Variants in DYRK2 observed in about 807,000 individuals in gnomAD.
DYRK2 encodes dual specificity tyrosine phosphorylation regulated kinase 2.
Under a neutral mutation model 41.6 loss-of-function variants are expected in DYRK2, and 12 were observed. The ratio of observed to expected loss-of-function variants is 0.29; its 90% CI spans 0.18 to 0.47. The LOEUF (loss-of-function observed/expected upper bound fraction) is 0.47. Ranked by LOEUF, DYRK2 falls within the 20% of genes least tolerant of loss-of-function variation. DYRK2 has a pLI of 1.00. For synonymous variants in DYRK2, 322 were observed against 315.7 expected (o/e 1.02, Z -0.21); for missense variants, 678 against 798.4 (o/e 0.85, Z 1.82).
At chr12:67,652,081 G>T (rs910466117) in intron 2 of DYRK2, among the ~76,000 whole-genome samples, 1 of 152,126 alleles carries the variant, frequency 6.6e-6, no homozygotes, top group Non-Finnish European at 1.5e-5. Flanking sequence ...AGATAAAAAT[G>T]ATCTTGTCAT....
intron 2 of DYRK2, among the ~76,000 whole-genome samples, chr12:67,655,394 A>T (rs1872438522): frequency 6.6e-6 from 1 of 152,170 alleles, no homozygotes; most frequent in Non-Finnish European, 1.5e-5. Context: ...GCAGAGAGCG[A>T]GGCTGGGGAA....
At chr12:67,649,477 C>T (rs1249368791) in intron 1 of DYRK2, among the ~76,000 whole-genome samples, 3 of 151,624 alleles carry the variant, frequency 2.0e-5, no homozygotes, top group East Asian at 2.0e-4. Context: ...GTGGCCGTGG[C>T]TCCCTGCTCA....
At position 67,649,197 on chromosome 12, in the gene DYRK2, C is replaced by T. The variant is rs1167091431; in HGVS notation, c.49+15C>T. ...CTACCCGACCGGTAAGGAGGCCGTG[C>T]CGCCGCGCCGCATCCCCGGACCCCC... On this transcript the variant is annotated intron_variant, in intron 1 of 2. Coordinates refer to ENST00000344096, the MANE Select transcript of DYRK2 (RefSeq NM_006482.3). The T allele has an allele frequency of 2.0e-6, 3 of 1,489,334 alleles. No individual in the cohort carries two copies. Among genetic ancestry groups the T allele is most frequent in the South Asian group, 1.3e-5 (1 of 78,258 alleles). 92.3% of individuals were successfully genotyped at this position (1,489,334 alleles called of 1,614,324 possible). A position where few individuals can be genotyped will look rare whatever the true frequency, so the allele number is the denominator to read the frequency against.
At chr12:67,656,434 T>C (rs1872470579) in intron 2 of DYRK2, among the ~76,000 whole-genome samples, 1 of 152,202 alleles carries the variant, frequency 6.6e-6, no homozygotes. Context: ...AAATGGTTAT[T>C]ACAGTTAGTA....
Position 67,659,442 on chromosome 12 carries a change from T to G in DYRK2, c.*729T>G, listed in dbSNP as rs1872568694. On this transcript the variant is annotated 3_prime_UTR_variant, in exon 3 of 3. Transcript: ENST00000344096. Reference sequence around the variant, plus strand: ...GTAAAGAAGCCTCATATTACAGAGTTGCTTTTGCACCTAAATTTAGAATTG... The same window carrying G: ...GTAAAGAAGCCTCATATTACAGAGTGGCTTTTGCACCTAAATTTAGAATTG... The G allele has an allele frequency of 6.0e-6, 1 of 167,082 alleles. No individual in the cohort carries two copies. The highest frequency in any genetic ancestry group is 1.5e-5 in the Non-Finnish European group (1 of 68,120). 10.3% of individuals were successfully genotyped at this position (167,082 alleles called of 1,614,324 possible).
At chr12:67,649,971 G>C in intron 2 of DYRK2, 26 bp downstream of exon 2, 2 of 1,317,854 alleles carry the variant, frequency 1.5e-6, no homozygotes, top group Non-Finnish European at 1.9e-6. Flanking sequence ...CGGGCGGCCC[G>C]GGCGGTGGGG....
At position 67,664,513 on chromosome 12, in the gene DYRK2, G is replaced by A. The variant is rs914781429; in HGVS notation, c.*5800G>A. ...TCAGTTTATCCTTATACATCCCTATGAGCTATAATTATCCTCATTTGATAC... is the reference window on the plus strand; with the variant it reads ...TCAGTTTATCCTTATACATCCCTATAAGCTATAATTATCCTCATTTGATAC... On this transcript the variant is annotated 3_prime_UTR_variant, in exon 3 of 3. Coordinates refer to ENST00000344096, the MANE Select transcript of DYRK2 (RefSeq NM_006482.3). The A allele has an allele frequency of 1.3e-5, 2 of 152,080 alleles. No individual in the cohort carries two copies. Among genetic ancestry groups the A allele is most frequent in the Non-Finnish European group, 2.9e-5 (2 of 68,008 alleles). 9.4% of individuals were successfully genotyped at this position (152,080 alleles called of 1,614,324 possible). A position where few individuals can be genotyped will look rare whatever the true frequency, so the allele number is the denominator to read the frequency against.
rs1055779476 is a variant in DYRK2 at position 67,661,717 on chromosome 12, T to C, written c.*3004T>C. 2 of 166,988 alleles carry C rather than the reference T, an allele frequency of 1.2e-5. No homozygotes were observed. The highest frequency in any genetic ancestry group is 4.8e-5 in the African/African-American group (2 of 41,428). 10.3% of individuals were successfully genotyped at this position (166,988 alleles called of 1,614,324 possible). ...GCACTGAAAAAAGATAACCATCAGG[T>C]AGTGTTACACAAGGACTTCCTATAT... On this transcript the variant is annotated 3_prime_UTR_variant, in exon 3 of 3. Coordinates refer to ENST00000344096, the MANE Select transcript of DYRK2 (RefSeq NM_006482.3).
rs991490293 is a variant in DYRK2, at chr12:67,649,062, G to T, written c.-72G>T. 5 of 1,317,580 alleles carry T rather than the reference G, an allele frequency of 3.8e-6. No homozygotes were observed. The African/African-American group carries it at 4.7e-5, about 12-fold the overall frequency. The allele number at this position is 1,317,580 out of a possible 1,614,324, so 81.6% of individuals were successfully genotyped here. On this transcript the variant is annotated 5_prime_UTR_variant, in exon 1 of 3. Transcript: ENST00000344096. ...GGGGCGGCCGGGAGGCGGCGGCGGC[G>T]GCCGCCAGAAGTAGCAGCAGGACCG...
Position 67,648,852 on chromosome 12 carries a change from A to C in DYRK2, c.-282A>C. ...GGAGACGGGGAGGCCCGCGGCGCGC[A>C]GGGGAGGGCGAGGCATGTGCACGGG... On this transcript the variant is annotated 5_prime_UTR_variant, in exon 1 of 3. Coordinates refer to ENST00000344096, the MANE Select transcript of DYRK2 (RefSeq NM_006482.3). 4 of 219,438 alleles carry C rather than the reference A, an allele frequency of 1.8e-5. No individual in the cohort carries two copies. The highest frequency in any genetic ancestry group is 9.0e-5 in the East Asian group (1 of 11,052). 13.6% of individuals were successfully genotyped at this position (219,438 alleles called of 1,614,324 possible). A position where few individuals can be genotyped will look rare whatever the true frequency, so the allele number is the denominator to read the frequency against.
At chr12:67,649,410 G>C (rs1383575146) in intron 1 of DYRK2, among the ~76,000 whole-genome samples, 1 of 151,814 alleles carries the variant, frequency 6.6e-6, no homozygotes, top group Middle Eastern at 3.4e-3. Flanking sequence ...CCTGCCGGGG[G>C]CCCGGGCGGG....
In DYRK2 at chr12:67,658,171, T is replaced by C. The variant is rs1476300359; in HGVS notation, c.1264T>C (p.Leu422=). 8.1e-6 allele frequency: 13 copies of C among 1,614,188 alleles called. No individual in the cohort carries two copies. In the Middle Eastern group the frequency reaches 4.9e-4, roughly 61 times the overall value. ...AGAGCTCCTGACGGGTTACCCCCTC[T>C]TGCCTGGGGAAGATGAAGGGGACCA... The part of the protein sequence containing the change: ...LAELLTGYPL[L]PGEDEGDQLA... Residue 422 remains leucine, a synonymous_variant, in exon 3 of 3, where the codon TTG becomes CTG. Transcript: ENST00000344096. This position sits in a 1 kb window ranked among gnomAD's most constrained non-coding sequence, Gnocchi z 4.3.
At position 67,661,196 on chromosome 12, in the gene DYRK2, T is replaced by A. The variant is rs1426554971; in HGVS notation, c.*2483T>A. On this transcript the variant is annotated 3_prime_UTR_variant, in exon 3 of 3. Coordinates refer to ENST00000344096, the MANE Select transcript of DYRK2 (RefSeq NM_006482.3). Reference sequence around the variant, plus strand: ...TAGAGCTGCTTTAATAAAATTCTAGTTTGATTGTCATGTCAAAAAAAGAAA... The same window carrying A: ...TAGAGCTGCTTTAATAAAATTCTAGATTGATTGTCATGTCAAAAAAAGAAA... 1 of 166,814 alleles carries A rather than the reference T, an allele frequency of 6.0e-6. No individual in the cohort carries two copies. Among genetic ancestry groups the A allele is most frequent in the Admixed American group, 6.6e-5 (1 of 15,266 alleles). The allele number at this position is 166,814 out of a possible 1,614,324, so 10.3% of individuals were successfully genotyped here.
rs754908658 is a variant in DYRK2, at chr12:67,657,469, G to A, written c.562G>A (p.Ala188Thr). ...TGAAATATATTTCTTGGGTCTAAATGCTAAGAAGCGCCAGGGCATGACAGG... is the reference window on the plus strand; with the variant it reads ...TGAAATATATTTCTTGGGTCTAAATACTAAGAAGCGCCAGGGCATGACAGG... ...YPEIYFLGLNAKKRQGMTGGP... is the reference protein window; with the variant it reads ...YPEIYFLGLNTKKRQGMTGGP... Residue 188 changes from alanine (A) to threonine (T), a missense_variant, in exon 3 of 3, where the codon GCT becomes ACT. Coordinates refer to ENST00000344096, the MANE Select transcript of DYRK2 (RefSeq NM_006482.3). The surrounding 1 kb of genome is among the most constrained non-coding windows in gnomAD (Gnocchi z 4.8). 6.2e-7 allele frequency: 1 copy of A among 1,614,150 alleles called. No homozygotes were observed.
intron 2 of DYRK2, among the ~76,000 whole-genome samples, chr12:67,655,900 G>C (rs12367968): frequency 0.11 from 16,892 of 152,226 alleles, 1,306 homozygotes; most frequent in Non-Finnish European, 0.14. Flanking sequence ...GGGGATAGTA[G>C]AAAAAATACT....
rs759557043 is a variant in DYRK2, at chr12:67,658,750, G to C, written c.*37G>C. On this transcript the variant is annotated 3_prime_UTR_variant, in exon 3 of 3. Coordinates refer to ENST00000344096, the MANE Select transcript of DYRK2 (RefSeq NM_006482.3). This position sits in a 1 kb window ranked among gnomAD's most constrained non-coding sequence, Gnocchi z 4.3. ...CTGATGCTGGTAACCTGAAAGATACGACATTGCTGAGCCTTACTGGGTTGA... is the reference window on the plus strand; with the variant it reads ...CTGATGCTGGTAACCTGAAAGATACCACATTGCTGAGCCTTACTGGGTTGA... 6.4e-7 allele frequency: 1 copy of C among 1,562,090 alleles called. No individual in the cohort carries two copies. The highest frequency in any genetic ancestry group is 8.7e-7 in the Non-Finnish European group (1 of 1,154,838).
At chr12:67,649,717 C>G in intron 1 of DYRK2, 80 bp from the exon 2 acceptor site, 1 of 1,271,342 alleles carries the variant, frequency 7.9e-7, no homozygotes. Context: ...GTTGTCGCTG[C>G]CCAGCGGGGT....
rs903391240 is a variant in DYRK2 at position 67,649,707 on chromosome 12, G to A, written c.50-90G>A. 3.2e-6 allele frequency: 4 copies of A among 1,247,200 alleles called. No homozygotes were observed. In the African/African-American group the frequency reaches 4.6e-5, roughly 14 times the overall value. The allele number at this position is 1,247,200 out of a possible 1,614,324, so 77.3% of individuals were successfully genotyped here. A position where few individuals can be genotyped will look rare whatever the true frequency, so the allele number is the denominator to read the frequency against. ...TTCCTCCGTCTTTCTTTGGAAGAGG[G>A]TTGTCGCTGCCCAGCGGGGTTGGAG... On this transcript the variant is annotated intron_variant, in intron 1 of 2. Transcript: ENST00000344096.
chr12:67,657,416 T>G lies in DYRK2; in HGVS notation c.509T>G (p.Phe170Cys). The G allele has an allele frequency of 5.6e-6, 9 of 1,614,116 alleles. No homozygotes were observed. Among genetic ancestry groups the G allele is most frequent in the South Asian group, 2.2e-5 (2 of 91,080 alleles). The change falls in exon 3 of 3, where the codon TTC (phenylalanine) becomes TGC (cysteine). Residue 170 changes from phenylalanine (F) to cysteine (C), a missense_variant. Physicochemically the swap from Phe to Cys is radical, Grantham distance 205 (BLOSUM62 -2). Coordinates refer to ENST00000344096, the MANE Select transcript of DYRK2 (RefSeq NM_006482.3). This position sits in a 1 kb window ranked among gnomAD's most constrained non-coding sequence, Gnocchi z 4.8. Reference sequence around the variant, plus strand: ...CAATACATGCAAAAACTCACAGCCTTCGAACACCATGAGATTTTCAGCTAC... The same window carrying G: ...CAATACATGCAAAAACTCACAGCCTGCGAACACCATGAGATTTTCAGCTAC... Reference protein sequence around the residue: ...MKQYMQKLTAFEHHEIFSYPE... With the variant: ...MKQYMQKLTACEHHEIFSYPE...
Sources: allele counts gnomAD v4.1 joint callset (sites outside exome capture counted in the v4.1 genomes callset), GRCh38; gene constraint gnomAD v4.1.1; non-coding constraint Gnocchi (gnomAD v3.1); transcripts MANE v1.5; gene names NCBI Gene and HGNC (gene_info 2026-07-23, HGNC 2026-07-21).